The following AFF4 variants were observed in gnomAD, a reference collection of about 807,000 sequenced individuals.
The protein encoded by AFF4 is AF4/FMR2 family member 4.
AFF4 carries 13 observed loss-of-function variants against 124.8 expected under a neutral mutation model. That is an observed-to-expected ratio of 0.10 (90% CI 0.07 to 0.17). The LOEUF (loss-of-function observed/expected upper bound fraction) is 0.17, where lower values mean the gene tolerates loss of function less well. Among genes scored for constraint, AFF4 ranks in the 10% least tolerant of loss-of-function variants. The probability of loss-of-function intolerance (pLI) is 1.00; values close to 1 mark genes in which losing one functional copy is unlikely to be tolerated. For missense variants in AFF4, 1,092 were observed against 1,403.8 expected (o/e 0.78, Z 3.55); for synonymous variants, 477 against 496.1 (o/e 0.96, Z 0.51).
chr5:132,899,227 GA>G, intron 8 of AFF4, 86 bp from the exon 9 acceptor site: 1 of 1,281,100 alleles, frequency 7.8e-7, no homozygotes, highest in South Asian at 1.3e-5. Context: ...ACTCTTAACA[GA>G]AAAAACTGGA....
chr5:132,924,629 G>A (rs76666897), intron 5 of AFF4, among the ~76,000 whole-genome samples: 1 of 152,120 alleles, frequency 6.6e-6, no homozygotes, highest in East Asian at 1.9e-4. Context: ...AAAGGCAAGT[G>A]GATAACCTGA....
At chr5:132,954,362 G>C (rs1761907129) in intron 1 of AFF4, among the ~76,000 whole-genome samples, 1 of 152,136 alleles carries the variant, frequency 6.6e-6, no homozygotes, top group African/African-American at 2.4e-5. Context: ...CTTGTGACAG[G>C]GGTGGCTCAC....
chr5:132,955,497 G>T (rs1267030853), intron 1 of AFF4, among the ~76,000 whole-genome samples: 1 of 152,104 alleles, frequency 6.6e-6, no homozygotes, highest in Non-Finnish European at 1.5e-5. Context: ...CAACTATACA[G>T]GTCAGGTGTA....
At chr5:132,935,115 TG>T (rs939486490) in intron 2 of AFF4, among the ~76,000 whole-genome samples, 174 bp from the exon 3 acceptor site, 2 of 151,732 alleles carry the variant, frequency 1.3e-5, no homozygotes, top group African/African-American at 4.8e-5. Flanking sequence ...ATTTCTGTAG[TG>T]AAAAAAAAAA....
At chr5:132,914,672 C>A (rs1760868369) in intron 5 of AFF4, among the ~76,000 whole-genome samples, 1 of 150,008 alleles carries the variant, frequency 6.7e-6, no homozygotes. Context: ...GAAATCAGTG[C>A]AATAAAAAAC....
chr5:132,949,687 C>T (rs1297063517), intron 1 of AFF4, among the ~76,000 whole-genome samples: 1 of 141,558 alleles, frequency 7.1e-6, no homozygotes, highest in African/African-American at 2.8e-5. Flanking sequence ...ATGTGTACCA[C>T]ACACACACAC....
At chr5:132,931,607 T>A (rs1168085114) in intron 4 of AFF4, among the ~76,000 whole-genome samples, 1 of 152,236 alleles carries the variant, frequency 6.6e-6, no homozygotes, top group African/African-American at 2.4e-5. Context: ...ATAATTGGCT[T>A]GTTAATGTTT....
At chr5:132,955,655 G>A (rs1214385156) in intron 1 of AFF4, among the ~76,000 whole-genome samples, 2 of 151,232 alleles carry the variant, frequency 1.3e-5, no homozygotes, top group East Asian at 3.9e-4. Flanking sequence ...GCGGGCGCCT[G>A]TAATCCCAGC....
At chr5:132,900,745 A>C (rs1183249435) in intron 7 of AFF4, 1 of 549,724 alleles carries the variant, frequency 1.8e-6, no homozygotes, top group African/African-American at 2.1e-5. Context: ...TTAAACTTAA[A>C]ATTTTCTATG....
chr5:132,911,997 G>A (rs1459321044), intron 5 of AFF4, among the ~76,000 whole-genome samples: 1 of 151,748 alleles, frequency 6.6e-6, no homozygotes, highest in African/African-American at 2.4e-5. Context: ...AATAAAAATG[G>A]AAAGGCAAAA....
intron 1 of AFF4, among the ~76,000 whole-genome samples, chr5:132,956,949 G>A (rs1381356310): frequency 6.8e-6 from 1 of 146,544 alleles, no homozygotes; most frequent in Non-Finnish European, 1.5e-5. Flanking sequence ...GAACCTGGGA[G>A]GTGAAGGTTG....
At chr5:132,919,382 A>C (rs1760987519) in intron 5 of AFF4, among the ~76,000 whole-genome samples, 1 of 152,220 alleles carries the variant, frequency 6.6e-6, no homozygotes, top group Admixed American at 6.5e-5. Flanking sequence ...TCACACATAC[A>C]GAGTCAACTA....
intron 13 of AFF4, 120 bp downstream of exon 13, chr5:132,892,044 A>C: frequency 1.4e-6 from 2 of 1,434,364 alleles, no homozygotes; most frequent in South Asian, 2.4e-5. Flanking sequence ...TAGAGGGTAA[A>C]AGACATAGGC....
chr5:132,883,164 G>A (rs540652154), intron 20 of AFF4, among the ~76,000 whole-genome samples, 176 bp downstream of exon 20: 1 of 152,120 alleles, frequency 6.6e-6, no homozygotes, highest in Non-Finnish European at 1.5e-5. Flanking sequence ...GGTATCTTTT[G>A]ACCAAATTCA....
At chr5:132,891,846 CT>C in intron 13 of AFF4, 1 of 400,806 alleles carries the variant, frequency 2.5e-6, no homozygotes, top group Admixed American at 4.0e-5. Context: ...CAGACAGGGT[CT>C]CACCACATTG....
intron 5 of AFF4, among the ~76,000 whole-genome samples, chr5:132,920,894 G>A (rs903922590): frequency 3.5e-4 from 53 of 152,150 alleles, no homozygotes; most frequent in African/African-American, 8.2e-4. Flanking sequence ...TTGGGAGGCC[G>A]GGGTGGGCAG....
chr5:132,883,179 C>T (rs925378824), intron 20 of AFF4, among the ~76,000 whole-genome samples, 161 bp downstream of exon 20: 14 of 152,282 alleles, frequency 9.2e-5, no homozygotes, highest in Admixed American at 2.6e-4. Context: ...AATTCAGTTT[C>T]ATTTATTGTT....
chr5:132,963,575 G>T lies in AFF4; in HGVS notation c.-321C>A. ...ACGAAGACCTGGCACCAGGATCCCC[G>T]CCCCGTCCGCTGGCGGCGGCGACGG... On this transcript the variant is annotated 5_prime_UTR_variant, in exon 1 of 21. Coordinates refer to ENST00000265343, the MANE Select transcript of AFF4 (RefSeq NM_014423.4). 1 of 397,856 alleles carries T rather than the reference G, an allele frequency of 2.5e-6. No individual in the cohort carries two copies. The highest frequency in any genetic ancestry group is 4.4e-6 in the Non-Finnish European group (1 of 225,578). 24.6% of individuals were successfully genotyped at this position (397,856 alleles called of 1,614,324 possible).
At position 132,898,233 on chromosome 5, in the gene AFF4, G is replaced by A. The variant is rs770127756; in HGVS notation, c.1386C>T (p.Pro462=). ...TACCCCACCGCCTCTGTCTCACCTC[G>A]GGAGATGCACTCTGGGATGGCTCAT... ...EANEPSQSAS[P]EPEPPPTNKW... The change falls in exon 10 of 21, where the codon CCC becomes CCT. Residue 462 remains proline (P), a synonymous_variant. Transcript: ENST00000265343. The A allele has an allele frequency of 1.9e-5, 30 of 1,613,868 alleles. No homozygotes were observed. In the Middle Eastern group the frequency reaches 4.9e-4, roughly 27 times the overall value.
Sources: gnomAD v4.1 joint callset for allele counts (sites outside exome capture counted in the v4.1 genomes callset) on GRCh38, gnomAD v4.1.1 for gene constraint, MANE v1.5 for transcripts, NCBI Gene and HGNC (gene_info 2026-07-23, HGNC 2026-07-21) for gene names.